The following NXN variants were observed in gnomAD, a reference collection of about 807,000 sequenced individuals.
NXN encodes the protein nucleoredoxin.
NXN carries 16 observed loss-of-function variants against 48.6 expected under a neutral mutation model. That is an observed-to-expected ratio of 0.33 (90% CI 0.22 to 0.50). NXN has a LOEUF of 0.50. NXN is among the 20% of genes least tolerant of loss of function. The probability of loss-of-function intolerance (pLI) is 0.98; values close to 1 mark genes in which losing one functional copy is unlikely to be tolerated. For missense variants in NXN, 492 were observed against 605.5 expected, an observed-to-expected ratio of 0.81 and a Z score of 1.97; for synonymous variants, 281 against 269.6, an observed-to-expected ratio of 1.04 and a Z score of -0.41.
intron 1 of NXN, among the ~76,000 whole-genome samples, chr17:973,330 C>T (rs868142849): frequency 2.6e-5 from 4 of 152,204 alleles, no homozygotes; most frequent in Admixed American, 2.0e-4. Flanking sequence ...CCACGCGAAA[C>T]AGCAGTCTTT....
At position 805,199 on chromosome 17, in the gene NXN, C is replaced by T. The variant is rs768934588; in HGVS notation, c.869G>A (p.Arg290Gln). The change falls in exon 6 of 8, where the codon CGG (arginine) becomes CAG (glutamine). Residue 290 changes from arginine to glutamine, a missense_variant. By Grantham distance (43) the Arg-to-Gln change is conservative. This residue lies in a region of NXN where 303 missense variants were observed against 388.3 expected (regional missense o/e 0.78). Coordinates refer to ENST00000336868, the MANE Select transcript of NXN (RefSeq NM_022463.5). ...GTTCAGCACCTCCACCCGCCCCTGC[C>T]GCGTGATCACCTCGCCCTGCGGGTC... ...MLDPQGEVIT[R>Q]QGRVEVLNDE... is the part of the protein sequence containing the mutation. 12 of 1,611,774 alleles carry T rather than the reference C, an allele frequency of 7.4e-6. No individual in the cohort carries two copies. Among genetic ancestry groups the T allele is most frequent in the East Asian group, 2.2e-5 (1 of 44,824 alleles).
chr17:955,172 T>TC (rs1027759928), intron 1 of NXN, among the ~76,000 whole-genome samples: 4 of 149,364 alleles, frequency 2.7e-5, no homozygotes, highest in African/African-American at 9.8e-5. Context: ...CTTTTTTTTT[T>TC]TTTTTTTTTT....
chr17:841,893 T>G (rs985169035), intron 1 of NXN, among the ~76,000 whole-genome samples: 9 of 152,114 alleles, frequency 5.9e-5, no homozygotes, highest in African/African-American at 2.2e-4. Flanking sequence ...TCCCAGCACT[T>G]TGGGAGGCCG....
chr17:889,745 A>C (rs1567850298), intron 1 of NXN, among the ~76,000 whole-genome samples: 1 of 58,128 alleles, frequency 1.7e-5, no homozygotes. Flanking sequence ...GAAAGAAAGA[A>C]AGAAAGAAAG....
At chr17:835,307 CAA>C (rs368573865) in intron 1 of NXN, among the ~76,000 whole-genome samples, 24 of 91,200 alleles carry the variant, frequency 2.6e-4, no homozygotes, top group South Asian at 3.5e-4. Context: ...GACTCTGTTT[CAA>C]AAAAAAAAAA....
At chr17:809,177 G>A (rs947353714) in intron 5 of NXN, among the ~76,000 whole-genome samples, 3 of 152,166 alleles carry the variant, frequency 2.0e-5, no homozygotes, top group African/African-American at 7.2e-5. Flanking sequence ...TGCCAAGGGT[G>A]GGGTTGGCGT....
chr17:811,623 G>A (rs1045964581), intron 5 of NXN, among the ~76,000 whole-genome samples: 2 of 152,134 alleles, frequency 1.3e-5, no homozygotes, highest in African/African-American at 4.8e-5. Flanking sequence ...GGGTCACACA[G>A]CCCGGCTCAG....
intron 1 of NXN, among the ~76,000 whole-genome samples, chr17:947,068 C>G (rs1254079697): frequency 1.3e-5 from 2 of 152,174 alleles, no homozygotes; most frequent in Admixed American, 1.3e-4. Context: ...GGGCCCAGCA[C>G]GGGCCCCCCA....
intron 1 of NXN, chr17:959,112 G>T: frequency 2.7e-6 from 1 of 374,628 alleles, no homozygotes; most frequent in Non-Finnish European, 4.7e-6. Flanking sequence ...CTGATGTATG[G>T]CCAGGAGCTG....
intron 1 of NXN, among the ~76,000 whole-genome samples, chr17:910,438 G>C (rs1289259751): frequency 1.3e-5 from 2 of 150,936 alleles, no homozygotes; most frequent in African/African-American, 4.9e-5. Context: ...TCTAATCTTT[G>C]TAAGTGGCAT....
chr17:814,030 GCA>G (rs1248737942), intron 5 of NXN, among the ~76,000 whole-genome samples: 1 of 151,962 alleles, frequency 6.6e-6, no homozygotes, highest in Non-Finnish European at 1.5e-5. Context: ...GGAGGCCAAG[GCA>G]GGCAGATCAC....
chr17:948,100 AAAATACAAAT>A (rs1244297215), intron 1 of NXN, among the ~76,000 whole-genome samples: 4 of 152,238 alleles, frequency 2.6e-5, no homozygotes, highest in South Asian at 2.1e-4. Context: ...AAAAAATGTA[AAAATACAAAT>A]AAAAAATAAA....
intron 1 of NXN, among the ~76,000 whole-genome samples, chr17:939,155 T>C (rs1291532321): frequency 1.3e-5 from 2 of 152,162 alleles, no homozygotes; most frequent in African/African-American, 4.8e-5. Flanking sequence ...AATTTATCCT[T>C]AGAGAACCAC....
intron 1 of NXN, among the ~76,000 whole-genome samples, chr17:842,078 G>A (rs1914358611): frequency 6.6e-6 from 1 of 152,120 alleles, no homozygotes; most frequent in African/African-American, 2.4e-5. Context: ...AGAGGTTGCA[G>A]TGAGCTGAGA....
Position 927,580 on chromosome 17 carries a change from C to CAAAA in NXN, c.360+51735_360+51738dup, listed in dbSNP as rs71371593. The stretch of plus-strand genomic sequence containing the variant: ...GGGTGACGGAAGTAAAACCTTGTCT[C>CAAAA]AAAAAAAAAAAAAAAAAAAGCAAAA... On this transcript the variant is annotated intron_variant, in intron 1 of 7. Coordinates refer to ENST00000336868, the MANE Select transcript of NXN (RefSeq NM_022463.5). 1.2e-3 allele frequency among the ~76,000 whole-genome samples: 141 copies of CAAAA among 117,540 alleles called. 3 individuals are homozygous for CAAAA. Among genetic ancestry groups the CAAAA allele is most frequent in the African/African-American group, 4.0e-3 (121 of 30,228 alleles). The allele number at this position is 117,540 out of a possible 152,430, so 77.1% of individuals were successfully genotyped here.
intron 1 of NXN, among the ~76,000 whole-genome samples, chr17:829,740 T>C (rs910290935): frequency 6.6e-6 from 1 of 152,148 alleles, no homozygotes; most frequent in African/African-American, 2.4e-5. Context: ...TCTGTTGCTG[T>C]GTTAGTTTGC....
In NXN at chr17:948,825, C is replaced by T. The variant is rs1450057919; in HGVS notation, c.360+30494G>A. ...AGGGCACGGCCTCCTCCTCTCCCCG[C>T]GGCCTCCTCCTCTCCCCCCTGCCTC... On this transcript the variant is annotated intron_variant, in intron 1 of 7. Coordinates refer to ENST00000336868, the MANE Select transcript of NXN (RefSeq NM_022463.5). 6.3e-4 allele frequency among the ~76,000 whole-genome samples: 90 copies of T among 143,856 alleles called. 1 individual carries two copies. The highest frequency in any genetic ancestry group is 1.2e-3 in the Non-Finnish European group (76 of 64,746). 94.4% of individuals were successfully genotyped at this position (143,856 alleles called of 152,430 possible). A position where few individuals can be genotyped will look rare whatever the true frequency, so the allele number is the denominator to read the frequency against.
intron 1 of NXN, among the ~76,000 whole-genome samples, chr17:882,417 C>A (rs922717823): frequency 2.0e-5 from 3 of 152,194 alleles, no homozygotes; most frequent in African/African-American, 7.2e-5. Context: ...CGGAGCCCTC[C>A]CCCGTCTCTG....
Position 900,036 on chromosome 17 carries a change from C to T in NXN, c.361-73958G>A, listed in dbSNP as rs568724172. ...ATCCCAGCACGTTGGGAGGCCGAGGCAGGCGGATCTCCTGAGGTCAGGAGT... is the reference window on the plus strand; with the variant it reads ...ATCCCAGCACGTTGGGAGGCCGAGGTAGGCGGATCTCCTGAGGTCAGGAGT... On this transcript the variant is annotated intron_variant, in intron 1 of 7. Coordinates refer to ENST00000336868, the MANE Select transcript of NXN (RefSeq NM_022463.5). Among the ~76,000 whole-genome samples the T allele has an allele frequency of 5.0e-3, 769 of 152,282 alleles. 3 individuals are homozygous for T. The highest frequency in any genetic ancestry group is 8.3e-3 in the Non-Finnish European group (566 of 68,030).
Sources: gnomAD v4.1 joint callset for allele counts (sites outside exome capture counted in the v4.1 genomes callset) on GRCh38, gnomAD v4.1.1 for gene constraint, gnomAD v4.1.1 regional missense constraint, MANE v1.5 for transcripts, NCBI Gene and HGNC (gene_info 2026-07-23, HGNC 2026-07-21) for gene names.